PGM5: variants seen among roughly 807,000 people sequenced by gnomAD.
The protein encoded by PGM5 is phosphoglucomutase-like protein 5.
Under a neutral mutation model 59.2 loss-of-function variants are expected in PGM5, and 23 were observed. The observed-to-expected ratio is 0.39, with a 90% CI of 0.28 to 0.55. The LOEUF is 0.55. Ranked by LOEUF, PGM5 falls within the 20% of genes least tolerant of loss-of-function variation. The pLI, the probability that PGM5 is intolerant of heterozygous loss-of-function variation, is 0.66. For missense variants in PGM5, 574 were observed against 748.3 expected, an observed-to-expected ratio of 0.77 and a Z score of 2.72; for synonymous variants, 214 against 286.0, an observed-to-expected ratio of 0.75 and a Z score of 2.54.
chr9:68,357,695 C>T (rs577056395), intron 1 of PGM5: 384 of 429,270 alleles, frequency 8.9e-4, no homozygotes, highest in African/African-American at 7.2e-3. Context: ...CCCGCACCTG[C>T]TCATTTTTCT....
intron 7 of PGM5, among the ~76,000 whole-genome samples, chr9:68,469,998 A>C (rs1244101720): frequency 1.3e-5 from 2 of 152,226 alleles, no homozygotes; most frequent in African/African-American, 4.8e-5. Context: ...CCATTTGGAA[A>C]GGGATGGGGA....
chr9:68,403,527 T>C lies in PGM5; in HGVS notation c.1043+11054T>C, dbSNP rs142071772. Among the ~76,000 whole-genome samples the C allele has an allele frequency of 5.1e-4, 78 of 152,310 alleles. 1 individual carries two copies. The East Asian group carries it at 9.6e-3, about 19-fold the overall frequency. On this transcript the variant is annotated intron_variant, in intron 6 of 10. Transcript: ENST00000396396. ...GGTTGGGGACCACTATGTTATATAGTATGTTGTTTGATTGTCATACAAACC... is the reference window on the plus strand; with the variant it reads ...GGTTGGGGACCACTATGTTATATAGCATGTTGTTTGATTGTCATACAAACC...
chr9:68,390,494 TCTC>T (rs1481473239), intron 4 of PGM5, among the ~76,000 whole-genome samples: 5 of 152,118 alleles, frequency 3.3e-5, no homozygotes, highest in Non-Finnish European at 7.4e-5. Context: ...AGAGAGTTTT[TCTC>T]CAAACAAATC....
At position 68,494,555 on chromosome 9, in the gene PGM5, A is replaced by G. The variant is rs118132492; in HGVS notation, c.1480-4672A>G. 2.6e-4 allele frequency among the ~76,000 whole-genome samples: 40 copies of G among 152,320 alleles called. No individual in the cohort carries two copies. In the East Asian group the frequency reaches 6.0e-3, roughly 23 times the overall value. The stretch of plus-strand genomic sequence containing the variant: ...TAATTCCCAAGTAACACCCCAAAAG[A>G]ATTAAATCACAATGTTTGGGGTGAA... On this transcript the variant is annotated intron_variant, in intron 9 of 10. Coordinates refer to ENST00000396396, the MANE Select transcript of PGM5 (RefSeq NM_021965.4).
At position 68,464,365 on chromosome 9, in the gene PGM5, A is replaced by G. The variant is rs372377586; in HGVS notation, c.1044-728A>G. Among the ~76,000 whole-genome samples, 13 of 152,360 alleles carry G rather than the reference A, an allele frequency of 8.5e-5. 1 individual carries two copies. The East Asian group carries it at 2.5e-3, about 29-fold the overall frequency. ...ACACAGAGAAGTTGGATTGAAATGCAGTCACAACAAAGGCCTCAGCCAACT... is the reference window on the plus strand; with the variant it reads ...ACACAGAGAAGTTGGATTGAAATGCGGTCACAACAAAGGCCTCAGCCAACT... On this transcript the variant is annotated intron_variant, in intron 6 of 10. Transcript: ENST00000396396.
intron 10 of PGM5, among the ~76,000 whole-genome samples, chr9:68,510,234 C>A (rs564350659): frequency 6.7e-6 from 1 of 149,208 alleles, no homozygotes; most frequent in South Asian, 2.1e-4. Context: ...TCACTGCAAG[C>A]TCCGCCTCCT....
In PGM5 at chr9:68,454,595, G is replaced by A. The variant is rs1467863540; in HGVS notation, c.1044-10498G>A. Among the ~76,000 whole-genome samples the A allele has an allele frequency of 3.9e-5, 6 of 152,150 alleles. 1 individual carries two copies. Among genetic ancestry groups the A allele is most frequent in the Non-Finnish European group, 5.9e-5 (4 of 68,030 alleles). ...GGATCCAGGGCTCCCAGGCCTCATC[G>A]CATTTAGTCCCCACTGAGTAAGGAG... On this transcript the variant is annotated intron_variant, in intron 6 of 10. Coordinates refer to ENST00000396396, the MANE Select transcript of PGM5 (RefSeq NM_021965.4).
At position 68,499,294 on chromosome 9, in the gene PGM5, G is replaced by C; in HGVS notation, c.1547G>C (p.Arg516Pro). The C allele has an allele frequency of 2.5e-6, 4 of 1,614,044 alleles. No homozygotes were observed. The highest frequency in any genetic ancestry group is 2.5e-6 in the Non-Finnish European group (3 of 1,180,000). Residue 516 changes from arginine (R) to proline (P), a missense_variant, in exon 10 of 11, where the codon CGG becomes CCG. Physicochemically the swap from Arg to Pro is moderately radical, Grantham distance 103. Coordinates refer to ENST00000396396, the MANE Select transcript of PGM5 (RefSeq NM_021965.4). ...CGGCTCAGTTCCTCCAGTGGTGTGC[G>C]GGCCACCCTCAGACTGTACGCAGAG... is the stretch of plus-strand genomic sequence containing the variant. The part of the protein sequence containing the change: ...IFRLSSSSGV[R>P]ATLRLYAESY...
At chr9:68,474,234 C>T (rs1177295161) in intron 7 of PGM5, among the ~76,000 whole-genome samples, 1 of 152,138 alleles carries the variant, frequency 6.6e-6, no homozygotes, top group East Asian at 1.9e-4. Context: ...AAATTGCCAA[C>T]ATATGTTACA....
intron 7 of PGM5, among the ~76,000 whole-genome samples, chr9:68,475,568 T>C (rs1824090422): frequency 6.6e-6 from 1 of 152,146 alleles, no homozygotes; most frequent in South Asian, 2.1e-4. Context: ...TTTCATTTAT[T>C]AAAATTGAAT....
chr9:68,425,149 G>A (rs991191668), intron 6 of PGM5, among the ~76,000 whole-genome samples: 1 of 152,124 alleles, frequency 6.6e-6, no homozygotes, highest in African/African-American at 2.4e-5. Flanking sequence ...CTCTTTTACT[G>A]TTCCTTGGCA....
At chr9:68,416,334 T>C (rs1263756784) in intron 6 of PGM5, among the ~76,000 whole-genome samples, 1 of 152,202 alleles carries the variant, frequency 6.6e-6, no homozygotes, top group Non-Finnish European at 1.5e-5. Flanking sequence ...CCTTTAACCC[T>C]TGGGGGACCC....
In PGM5 at chr9:68,483,926, C is replaced by T. The variant is rs1443593492; in HGVS notation, c.1357C>T (p.Leu453=). 6.2e-6 allele frequency: 10 copies of T among 1,614,126 alleles called. No individual in the cohort carries two copies. Among genetic ancestry groups the T allele is most frequent in the African/African-American group, 1.3e-5 (1 of 75,026 alleles). Residue 453 remains leucine (L), a synonymous_variant, in exon 9 of 11, where the codon CTG becomes TTG. Coordinates refer to ENST00000396396, the MANE Select transcript of PGM5 (RefSeq NM_021965.4). ...TTATATCATGAGGGACCTGGAGGCC[C>T]TGGTCACAGACAAATCCTTCATTGG... The part of the protein sequence containing the change: ...TYYIMRDLEA[L]VTDKSFIGQQ...
intron 10 of PGM5, among the ~76,000 whole-genome samples, chr9:68,514,561 C>T (rs1824797904): frequency 6.6e-6 from 1 of 152,078 alleles, no homozygotes; most frequent in African/African-American, 2.4e-5. Flanking sequence ...ACCAAGATTG[C>T]ACCACTGCAC....
intron 10 of PGM5, among the ~76,000 whole-genome samples, chr9:68,529,164 CGTGTGTGTGTGTGTGTGTGTGTGT>C (rs3223716): frequency 8.3e-5 from 11 of 131,952 alleles, no homozygotes; most frequent in African/African-American, 2.3e-4. Flanking sequence ...CTTTTATTCT[CGTGTGTGTGTGTGTGTGTGTGTGT>C]GTGTGTGTGT....
chr9:68,419,263 C>T (rs1247364211), intron 6 of PGM5, among the ~76,000 whole-genome samples: 3 of 151,600 alleles, frequency 2.0e-5, no homozygotes, highest in Non-Finnish European at 2.9e-5. Context: ...CTTTTTTTTT[C>T]CACCAAGTTT....
intron 10 of PGM5, among the ~76,000 whole-genome samples, chr9:68,500,651 C>T (rs1221364658): frequency 2.0e-5 from 3 of 152,124 alleles, no homozygotes; most frequent in Non-Finnish European, 4.4e-5. Context: ...TGGGGCTTAC[C>T]CTGTCTTTCC....
At chr9:68,364,046 A>C (rs1246766853) in intron 1 of PGM5, among the ~76,000 whole-genome samples, 2 of 152,238 alleles carry the variant, frequency 1.3e-5, no homozygotes, top group African/African-American at 4.8e-5. Context: ...TTTTGTTGCA[A>C]GTTTTAGCCA....
intron 1 of PGM5, among the ~76,000 whole-genome samples, chr9:68,372,074 T>C (rs1423928738): frequency 1.3e-5 from 2 of 152,208 alleles, no homozygotes; most frequent in Non-Finnish European, 2.9e-5. Flanking sequence ...TGGCAATTTG[T>C]TATAGCAGCC....
Sources: gnomAD v4.1 joint callset for allele counts (sites outside exome capture counted in the v4.1 genomes callset) on GRCh38, gnomAD v4.1.1 for gene constraint, MANE v1.5 for transcripts, NCBI Gene and HGNC (gene_info 2026-07-23, HGNC 2026-07-21) for gene names.